The following MTMR8 variants were observed in gnomAD, a reference collection of about 807,000 sequenced individuals.
The protein encoded by MTMR8 is myotubularin related protein 8, also known as phosphatidylinositol-3,5-bisphosphate 3-phosphatase MTMR8.
MTMR8 carries 65 observed loss-of-function variants against 39.3 expected under a neutral mutation model. The observed-to-expected ratio is 1.65, with a 90% CI of 1.35 to 2.03. MTMR8 has a LOEUF of 2.03. Among genes scored for constraint, MTMR8 ranks in the 30% most tolerant of loss-of-function variants. The pLI, the probability that MTMR8 is intolerant of heterozygous loss-of-function variation, is 0.00. For missense variants in MTMR8, 777 were observed against 538.9 expected (o/e 1.44, Z -4.37); for synonymous variants, 245 against 185.2 (o/e 1.32, Z -2.62).
At chrX:64,285,442 G>A (rs1419435806) in intron 12 of MTMR8, among the ~76,000 whole-genome samples, 2 of 111,072 alleles carry the variant, frequency 1.8e-5, no homozygotes, top group African/African-American at 3.3e-5. Context: ...AGGATATCCA[G>A]GAACTGAATT....
At chrX:64,300,811 T>G (rs1193320860) in intron 12 of MTMR8, among the ~76,000 whole-genome samples, 38 of 106,662 alleles carry the variant, frequency 3.6e-4, no homozygotes, top group Admixed American at 5.1e-4. Flanking sequence ...GTCTGTAAAG[T>G]ATTTTATTTC....
Position 64,337,338 on chromosome X carries a change from C to A in MTMR8, c.1031G>T (p.Arg344Leu), listed in dbSNP as rs372424715. Residue 344 changes from arginine to leucine, a missense_variant, in exon 9 of 14, where the codon CGC (arginine) becomes CTC (leucine). Coordinates refer to ENST00000374852, the MANE Select transcript of MTMR8 (RefSeq NM_017677.4). ...AGCCACTGAGCAGACTTGTGCTGTG[C>A]GGTCCCATCCATCAGAACAATGGAC... ...VLVHCSDGWD[R>L]TAQVCSVASI... 8.3e-7 allele frequency: 1 copy of A among 1,208,147 alleles called. No homozygotes were observed. The highest frequency in any genetic ancestry group is 3.0e-5 in the East Asian group (1 of 33,693).
intron 12 of MTMR8, among the ~76,000 whole-genome samples, chrX:64,301,140 G>A (rs1372898305): frequency 1.8e-5 from 2 of 109,046 alleles, no homozygotes; most frequent in Non-Finnish European, 3.8e-5. Context: ...CTAGATTGGG[G>A]AAGTTCTCCT....
chrX:64,340,416 AG>A (rs1923184484), intron 8 of MTMR8, among the ~76,000 whole-genome samples: 1 of 111,021 alleles, frequency 9.0e-6, no homozygotes, highest in African/African-American at 3.3e-5. Context: ...TCCTTAATGG[AG>A]GGGGAAGAGT....
intron 1 of MTMR8, among the ~76,000 whole-genome samples, chrX:64,360,138 C>T (rs189956689): frequency 9.1e-6 from 1 of 109,988 alleles, no homozygotes; most frequent in African/African-American, 3.3e-5. Flanking sequence ...GAGTCACAAA[C>T]TGAAAATAAT....
chrX:64,276,019 C>T (rs1931864698), intron 12 of MTMR8, among the ~76,000 whole-genome samples: 1 of 111,598 alleles, frequency 9.0e-6, no homozygotes, highest in Non-Finnish European at 1.9e-5. Context: ...AAGAATTCTC[C>T]CAAATATTTA....
intron 4 of MTMR8, among the ~76,000 whole-genome samples, chrX:64,352,096 G>GCCTT (rs1923501682): frequency 8.9e-6 from 1 of 111,805 alleles, no homozygotes; most frequent in African/African-American, 3.2e-5. Flanking sequence ...CTGAACACCT[G>GCCTT]CCTTCCTTCT....
intron 8 of MTMR8, among the ~76,000 whole-genome samples, chrX:64,338,447 T>C (rs997216928): frequency 1.8e-5 from 2 of 112,185 alleles, no homozygotes; most frequent in Non-Finnish European, 3.8e-5. Context: ...GGAAAGGACA[T>C]TCCAGGCTGG....
chrX:64,311,838 G>A (rs994391104), intron 12 of MTMR8, among the ~76,000 whole-genome samples: 2 of 106,051 alleles, frequency 1.9e-5, no homozygotes, highest in Admixed American at 2.0e-4. Flanking sequence ...ATTTCTGAGG[G>A]CTCAGTTCGG....
intron 12 of MTMR8, among the ~76,000 whole-genome samples, chrX:64,327,574 C>G (rs899150612): frequency 4.5e-5 from 5 of 112,231 alleles, no homozygotes; most frequent in Non-Finnish European, 7.5e-5. Context: ...CACATACTAT[C>G]AGTGGAAATG....
intron 12 of MTMR8, among the ~76,000 whole-genome samples, chrX:64,312,195 G>A (rs1046778209): frequency 9.0e-6 from 1 of 111,467 alleles, no homozygotes; most frequent in African/African-American, 3.3e-5. Flanking sequence ...GTGGTTTTTA[G>A]TTGTTCTTGA....
rs760019841 is a variant in MTMR8, at chrX:64,268,959, G to T, written c.1693C>A (p.Pro565Thr). The change falls in exon 14 of 14, where the codon CCT becomes ACT. Residue 565 changes from proline to threonine, a missense_variant. Coordinates refer to ENST00000374852, the MANE Select transcript of MTMR8 (RefSeq NM_017677.4). ...GNILSQHLGS[P>T]LTNPLGFMGI... ...ATAAAGCCAAGAGGATTGGTCAAAG[G>T]ACTTCCCAGATGCTGGGATAATATG... The T allele has an allele frequency of 2.3e-5, 28 of 1,209,664 alleles. No homozygotes were observed. Among genetic ancestry groups the T allele is most frequent in the Non-Finnish European group, 3.1e-5 (28 of 894,953 alleles).
intron 11 of MTMR8, among the ~76,000 whole-genome samples, chrX:64,330,026 T>C (rs1032796834): frequency 4.5e-5 from 5 of 111,895 alleles, no homozygotes; most frequent in African/African-American, 1.6e-4. Flanking sequence ...AGCCAAAGTT[T>C]GAACCCAAGT....
intron 4 of MTMR8, 87 bp downstream of exon 4, chrX:64,354,689 AT>A: frequency 2.1e-6 from 2 of 941,163 alleles, no homozygotes; most frequent in Non-Finnish European, 1.5e-6. Context: ...ATTATGAGTC[AT>A]TTCTCTCTTT....
intron 1 of MTMR8, among the ~76,000 whole-genome samples, chrX:64,360,666 G>T (rs1394006258): frequency 9.0e-6 from 1 of 111,267 alleles, no homozygotes; most frequent in Non-Finnish European, 1.9e-5. Flanking sequence ...GCGTATGTTT[G>T]AAAACACAAT....
chrX:64,330,413 G>A (rs1922910349), intron 11 of MTMR8, among the ~76,000 whole-genome samples: 1 of 111,502 alleles, frequency 9.0e-6, no homozygotes, highest in African/African-American at 3.3e-5. Context: ...TATGTTGACA[G>A]GAAAACCAAA....
chrX:64,281,004 C>T (rs1204842846), intron 12 of MTMR8, among the ~76,000 whole-genome samples: 1 of 110,725 alleles, frequency 9.0e-6, no homozygotes, highest in Non-Finnish European at 1.9e-5. Context: ...ATGTGAAGGA[C>T]CTCTTCAAGG....
intron 12 of MTMR8, among the ~76,000 whole-genome samples, chrX:64,301,328 C>T (rs1420565719): frequency 3.7e-4 from 40 of 106,692 alleles, no homozygotes; most frequent in African/African-American, 8.2e-4. Flanking sequence ...TCATTCATTT[C>T]GTCTTCCATT....
chrX:64,310,534 G>T (rs897135789), intron 12 of MTMR8, among the ~76,000 whole-genome samples: 1 of 110,870 alleles, frequency 9.0e-6, no homozygotes, highest in South Asian at 3.9e-4. Context: ...AAGTTTTAGG[G>T]TACAAGTGCA....
Sources: gnomAD v4.1 joint callset for allele counts (sites outside exome capture counted in the v4.1 genomes callset) on GRCh38, gnomAD v4.1.1 for gene constraint, MANE v1.5 for transcripts, NCBI Gene and HGNC (gene_info 2026-07-23, HGNC 2026-07-21) for gene names.